Variants in CDH2 observed in about 807,000 individuals in gnomAD.
The protein encoded by CDH2 is cadherin-2.
CDH2 carries 17 observed loss-of-function variants against 92.0 expected under a neutral mutation model. That is an observed-to-expected ratio of 0.18 (90% CI 0.13 to 0.28). CDH2 has a LOEUF of 0.28. CDH2 is among the 10% of genes least tolerant of loss of function. CDH2 has a pLI of 1.00. For synonymous variants in CDH2, 419 were observed against 415.9 expected (o/e 1.01, Z -0.09); for missense variants, 862 against 1,133.1 (o/e 0.76, Z 3.44).
At chr18:28,106,010 T>G (rs1267682073) in intron 2 of CDH2, among the ~76,000 whole-genome samples, 1 of 152,228 alleles carries the variant, frequency 6.6e-6, no homozygotes, top group Non-Finnish European at 1.5e-5. Context: ...AAGATGTTAC[T>G]TAACTCACAG....
intron 15 of CDH2, among the ~76,000 whole-genome samples, chr18:27,953,369 A>G (rs913943767): frequency 1.3e-5 from 2 of 152,074 alleles, no homozygotes; most frequent in Non-Finnish European, 2.9e-5. Flanking sequence ...CCTCTGGTAT[A>G]TTTTCTACTT....
chr18:28,091,694 C>T (rs1001497512), intron 2 of CDH2, among the ~76,000 whole-genome samples: 2 of 152,154 alleles, frequency 1.3e-5, no homozygotes, highest in East Asian at 1.9e-4. Context: ...GGCTTTGGGA[C>T]GTTCTCATAG....
chr18:27,962,752 TAAAG>T (rs1470396952), intron 15 of CDH2, among the ~76,000 whole-genome samples: 1 of 152,222 alleles, frequency 6.6e-6, no homozygotes, highest in African/African-American at 2.4e-5. Flanking sequence ...TGGTCAGTAA[TAAAG>T]AATGTCATAA....
chr18:28,147,572 C>T (rs2016054715), intron 2 of CDH2, 101 bp downstream of exon 2: 1 of 643,016 alleles, frequency 1.6e-6, no homozygotes, highest in Non-Finnish European at 2.6e-6. Flanking sequence ...GTGAAAAATT[C>T]ATACTTGTTA....
chr18:27,969,540 T>G (rs962269145), intron 14 of CDH2, among the ~76,000 whole-genome samples: 5 of 152,230 alleles, frequency 3.3e-5, no homozygotes, highest in African/African-American at 1.2e-4. Flanking sequence ...CGTTACAAAA[T>G]TATGGCTTAT....
chr18:28,147,104 A>G (rs553110657), intron 2 of CDH2, among the ~76,000 whole-genome samples: 2 of 152,234 alleles, frequency 1.3e-5, no homozygotes, highest in South Asian at 4.1e-4. Flanking sequence ...ATGAGACTAT[A>G]TTTAAAATTC....
intron 2 of CDH2, among the ~76,000 whole-genome samples, chr18:28,070,879 A>G (rs1214324123): frequency 6.6e-6 from 1 of 152,114 alleles, no homozygotes; most frequent in African/African-American, 2.4e-5. Context: ...TTACAATTCG[A>G]TTTTACTTAT....
chr18:28,044,192 C>A (rs1388948118), intron 2 of CDH2, among the ~76,000 whole-genome samples: 1 of 152,118 alleles, frequency 6.6e-6, no homozygotes, highest in African/African-American at 2.4e-5. Context: ...GGATTACAGG[C>A]ATGGGCCACC....
intron 2 of CDH2, among the ~76,000 whole-genome samples, chr18:28,141,250 A>G (rs1236343186): frequency 5.3e-5 from 8 of 152,014 alleles, no homozygotes; most frequent in East Asian, 1.9e-4. Flanking sequence ...TAGCAGTGCA[A>G]AAGAACAGGG....
chr18:27,972,161 A>C (rs1033906397), intron 14 of CDH2, among the ~76,000 whole-genome samples: 1 of 151,492 alleles, frequency 6.6e-6, no homozygotes. Context: ...GTATACTCAG[A>C]TTTTTTTTTA....
At chr18:28,063,356 T>C (rs1289485807) in intron 2 of CDH2, among the ~76,000 whole-genome samples, 5 of 152,110 alleles carry the variant, frequency 3.3e-5, no homozygotes, top group African/African-American at 1.2e-4. Context: ...ATGCAGGAAG[T>C]AGATTAACTA....
At chr18:28,129,842 C>A (rs1047966490) in intron 2 of CDH2, among the ~76,000 whole-genome samples, 2 of 152,124 alleles carry the variant, frequency 1.3e-5, no homozygotes, top group African/African-American at 4.8e-5. Flanking sequence ...AACTAAATGA[C>A]TCTACTGTCT....
chr18:28,085,268 T>C (rs1344524690), intron 2 of CDH2, among the ~76,000 whole-genome samples: 1 of 152,124 alleles, frequency 6.6e-6, no homozygotes, highest in Non-Finnish European at 1.5e-5. Flanking sequence ...CTTAGCAGTC[T>C]CTTTCTCCGT....
At chr18:28,098,049 G>C (rs1039843654) in intron 2 of CDH2, among the ~76,000 whole-genome samples, 17 of 152,198 alleles carry the variant, frequency 1.1e-4, no homozygotes, top group Admixed American at 9.2e-4. Context: ...AATAATCATA[G>C]ATCTGATAAA....
chr18:28,139,590 CTCTTCCATAGCA>C (rs972911707), intron 2 of CDH2, among the ~76,000 whole-genome samples: 1 of 151,898 alleles, frequency 6.6e-6, no homozygotes, highest in Non-Finnish European at 1.5e-5. Flanking sequence ...TCTGAGTGGA[CTCTTCCATAGCA>C]TTTGGCACAG....
intron 2 of CDH2, among the ~76,000 whole-genome samples, chr18:28,136,358 G>C (rs1217894679): frequency 6.7e-6 from 1 of 150,260 alleles, no homozygotes; most frequent in South Asian, 2.1e-4. Context: ...CTGAGAAGTA[G>C]TTTATGGGCC....
intron 14 of CDH2, among the ~76,000 whole-genome samples, chr18:27,973,278 T>C (rs554025084): frequency 2.5e-3 from 380 of 152,340 alleles, no homozygotes; most frequent in Non-Finnish European, 3.9e-3. Context: ...ATGGTAATTA[T>C]ATCTAGGTCT....
At chr18:28,176,435 A>C in intron 1 of CDH2, among the ~76,000 whole-genome samples, 1 of 152,138 alleles carries the variant, frequency 6.6e-6, no homozygotes, top group East Asian at 1.9e-4. Flanking sequence ...GGATAAAGAC[A>C]ATAGGACAGT....
At chr18:28,067,040 T>C (rs1278146689) in intron 2 of CDH2, among the ~76,000 whole-genome samples, 1 of 152,122 alleles carries the variant, frequency 6.6e-6, no homozygotes, top group Non-Finnish European at 1.5e-5. Context: ...TACTAACAAA[T>C]AGACTGCAGG....
Sources: gnomAD v4.1 joint callset for allele counts (sites outside exome capture counted in the v4.1 genomes callset) on GRCh38, gnomAD v4.1.1 for gene constraint, MANE v1.5 for transcripts, NCBI Gene and HGNC (gene_info 2026-07-23, HGNC 2026-07-21) for gene names.